CCDC192: variants seen among roughly 807,000 people sequenced by gnomAD.
CCDC192 encodes coiled-coil domain containing 192, also known as coiled-coil domain-containing protein 192.
At chr5:127,923,919 A>G (rs1196330627) in intron 6 of CCDC192, among the ~76,000 whole-genome samples, 1 of 152,244 alleles carries the variant, frequency 6.6e-6, no homozygotes, top group Non-Finnish European at 1.5e-5. Flanking sequence ...AAAGAATCCC[A>G]GAGAAGCCAA....
intron 5 of CCDC192, among the ~76,000 whole-genome samples, chr5:127,802,417 C>T (rs957317882): frequency 6.6e-6 from 1 of 152,138 alleles, no homozygotes; most frequent in Non-Finnish European, 1.5e-5. Context: ...GACCCCCTTT[C>T]CTGCCTCATC....
chr5:127,710,889 C>T (rs73783960), intron 2 of CCDC192, among the ~76,000 whole-genome samples: 248 of 152,220 alleles, frequency 1.6e-3, no homozygotes, highest in African/African-American at 5.7e-3. Context: ...TGTTTAAATC[C>T]ACTCTCAGGT....
chr5:127,733,287 T>A (rs1207734612), intron 2 of CCDC192, among the ~76,000 whole-genome samples: 1 of 152,128 alleles, frequency 6.6e-6, no homozygotes, highest in Non-Finnish European at 1.5e-5. Context: ...CATAGGAACA[T>A]AAAACCTACA....
At chr5:127,794,005 C>G (rs1331585789) in intron 3 of CCDC192, among the ~76,000 whole-genome samples, 1 of 152,290 alleles carries the variant, frequency 6.6e-6, no homozygotes, top group East Asian at 1.9e-4. Flanking sequence ...ATTGTTTACT[C>G]TTCCTTTCTG....
intron 3 of CCDC192, among the ~76,000 whole-genome samples, chr5:127,768,247 A>G (rs1343753241): frequency 1.3e-5 from 2 of 151,994 alleles, no homozygotes; most frequent in South Asian, 2.1e-4. Context: ...GAGAGACTCC[A>G]TCTCAAAAAA....
intron 2 of CCDC192, among the ~76,000 whole-genome samples, chr5:127,719,886 T>C (rs534627643): frequency 1.3e-5 from 2 of 151,452 alleles, no homozygotes; most frequent in African/African-American, 4.8e-5. Context: ...AGAACTCACT[T>C]ACTATCATGA....
chr5:127,786,465 T>G, intron 3 of CCDC192: 1 of 630,318 alleles, frequency 1.6e-6, no homozygotes, highest in Non-Finnish European at 2.9e-6. Context: ...AGTTTTGTAT[T>G]GATGGTTTCA....
intron 3 of CCDC192, among the ~76,000 whole-genome samples, chr5:127,775,789 C>T (rs1259930726): frequency 6.6e-6 from 1 of 152,146 alleles, no homozygotes; most frequent in Non-Finnish European, 1.5e-5. Context: ...CCATACTGTC[C>T]TTATGGCAGT....
At chr5:127,786,007 C>A (rs76212014) in intron 3 of CCDC192, 20,769 of 587,470 alleles carry the variant, frequency 0.035, 420 homozygotes, top group East Asian at 0.047. Flanking sequence ...AGCTAAAAGA[C>A]CCTGATTATG....
chr5:127,907,721 T>C (rs1753238770), intron 6 of CCDC192, among the ~76,000 whole-genome samples: 1 of 152,214 alleles, frequency 6.6e-6, no homozygotes, highest in Admixed American at 6.5e-5. Context: ...CTGGTAGAAG[T>C]AATGTAGCTC....
At chr5:127,935,923 G>T (rs1754173827) in intron 6 of CCDC192, among the ~76,000 whole-genome samples, 1 of 152,102 alleles carries the variant, frequency 6.6e-6, no homozygotes, top group African/African-American at 2.4e-5. Context: ...TGGTCAACAT[G>T]GAGAAATCCC....
chr5:127,897,457 G>T (rs1400381458), intron 6 of CCDC192, among the ~76,000 whole-genome samples: 3 of 152,162 alleles, frequency 2.0e-5, no homozygotes, highest in Admixed American at 6.5e-5. Context: ...TATTTTTGAA[G>T]GTGAAAGTTA....
intron 5 of CCDC192, among the ~76,000 whole-genome samples, chr5:127,814,501 G>C (rs1468213813): frequency 6.6e-6 from 1 of 152,178 alleles, no homozygotes; most frequent in Non-Finnish European, 1.5e-5. Flanking sequence ...GTGGATAAAA[G>C]CTTCACTGAA....
chr5:127,719,524 T>TATATATATATATACACACACACACAC (rs1561444898), intron 2 of CCDC192, among the ~76,000 whole-genome samples: 1 of 88,242 alleles, frequency 1.1e-5, no homozygotes, highest in Admixed American at 1.1e-4. Flanking sequence ...TATATATATA[T>TATATATATATATACACACACACACAC]ACACACATAC....
intron 5 of CCDC192, among the ~76,000 whole-genome samples, chr5:127,817,547 A>G (rs1274437267): frequency 1.3e-5 from 2 of 152,230 alleles, no homozygotes; most frequent in African/African-American, 4.8e-5. Context: ...AAAACTCCAC[A>G]TATTGTAAGA....
At chr5:127,752,469 T>A (rs1754252153) in intron 2 of CCDC192, among the ~76,000 whole-genome samples, 1 of 152,208 alleles carries the variant, frequency 6.6e-6, no homozygotes, top group Non-Finnish European at 1.5e-5. Flanking sequence ...AGTCTGCCCG[T>A]TCTCAGATCT....
At chr5:127,850,184 C>A (rs1164199132) in intron 5 of CCDC192, among the ~76,000 whole-genome samples, 2 of 152,142 alleles carry the variant, frequency 1.3e-5, no homozygotes, top group Non-Finnish European at 2.9e-5. Flanking sequence ...AGGTGTAGAG[C>A]CACCAGGAAC....
At chr5:127,813,623 T>C (rs1254362412) in intron 5 of CCDC192, among the ~76,000 whole-genome samples, 5 of 152,164 alleles carry the variant, frequency 3.3e-5, no homozygotes, top group Admixed American at 6.5e-5. Context: ...TGCTTGAGCC[T>C]TTATGACTGA....
chr5:127,763,502 C>A (rs180978238), intron 3 of CCDC192, among the ~76,000 whole-genome samples: 23 of 152,266 alleles, frequency 1.5e-4, no homozygotes, highest in Non-Finnish European at 3.2e-4. Flanking sequence ...TTTAATGACT[C>A]CTCAACACTA....
Sources: allele counts gnomAD v4.1 joint callset (sites outside exome capture counted in the v4.1 genomes callset), GRCh38; gene constraint gnomAD v4.1.1; transcripts MANE v1.5; gene names NCBI Gene and HGNC (gene_info 2026-07-23, HGNC 2026-07-21).